SGCZ: variants seen among roughly 807,000 people sequenced by gnomAD.
SGCZ encodes the protein zeta-sarcoglycan.
SGCZ carries 40 observed loss-of-function variants against 41.3 expected under a neutral mutation model. That is an observed-to-expected ratio of 0.97 (90% CI 0.75 to 1.26). The LOEUF is 1.26. Among genes scored for constraint, SGCZ ranks in the 50% most tolerant of loss-of-function variants. The pLI, the probability that SGCZ is intolerant of heterozygous loss-of-function variation, is 0.00. For synonymous variants in SGCZ, 206 were observed against 137.5 expected (o/e 1.50, Z -3.49); for missense variants, 552 against 369.8 (o/e 1.49, Z -4.04).
At chr8:14,750,346 G>C (rs1381176398) in intron 1 of SGCZ, among the ~76,000 whole-genome samples, 1 of 152,094 alleles carries the variant, frequency 6.6e-6, no homozygotes, top group Non-Finnish European at 1.5e-5. Flanking sequence ...TTTAATGGAG[G>C]TAATATACAA....
At chr8:15,090,316 A>G (rs1249693693) in intron 1 of SGCZ, among the ~76,000 whole-genome samples, 3 of 152,216 alleles carry the variant, frequency 2.0e-5, no homozygotes, top group Admixed American at 6.5e-5. Flanking sequence ...CTTTAAAATT[A>G]ACACTTGAGG....
At chr8:14,254,031 T>C (rs192529386) in intron 3 of SGCZ, among the ~76,000 whole-genome samples, 337 of 152,240 alleles carry the variant, frequency 2.2e-3, no homozygotes, top group African/African-American at 7.7e-3. Context: ...CAGTACTTCT[T>C]CCAAAAAGAT....
chr8:15,046,059 A>C (rs992489928), intron 1 of SGCZ, among the ~76,000 whole-genome samples: 1 of 152,086 alleles, frequency 6.6e-6, no homozygotes, highest in African/African-American at 2.4e-5. Context: ...TTGTTAGTAC[A>C]TTTACATACA....
chr8:14,565,419 G>A (rs1172064133), intron 1 of SGCZ, among the ~76,000 whole-genome samples: 1 of 151,742 alleles, frequency 6.6e-6, no homozygotes, highest in Non-Finnish European at 1.5e-5. Flanking sequence ...GAAATACTTA[G>A]CCATTAATGC....
intron 6 of SGCZ, among the ~76,000 whole-genome samples, chr8:14,106,254 GGAGA>G (rs1190888547): frequency 6.6e-6 from 1 of 151,558 alleles, no homozygotes; most frequent in African/African-American, 2.4e-5. Context: ...CAGTTTGTTA[GGAGA>G]AGAAAGATAC....
chr8:14,442,257 C>T (rs1051539324), intron 2 of SGCZ, among the ~76,000 whole-genome samples: 3 of 152,062 alleles, frequency 2.0e-5, no homozygotes, highest in Admixed American at 6.6e-5. Flanking sequence ...CGGTCTTGCC[C>T]GTGATATTCT....
intron 4 of SGCZ, among the ~76,000 whole-genome samples, chr8:14,237,202 A>G (rs771941169): frequency 2.6e-5 from 4 of 152,190 alleles, no homozygotes; most frequent in Non-Finnish European, 5.9e-5. Flanking sequence ...AGTAATGACC[A>G]GCAAAATAAA....
intron 1 of SGCZ, among the ~76,000 whole-genome samples, chr8:14,666,671 T>C (rs574278499): frequency 7.5e-6 from 1 of 132,872 alleles, no homozygotes; most frequent in East Asian, 2.3e-4. Context: ...ACATATCTTG[T>C]TGGTAGAATT....
chr8:14,650,526 G>A (rs1807363308), intron 1 of SGCZ, among the ~76,000 whole-genome samples: 1 of 151,722 alleles, frequency 6.6e-6, no homozygotes, highest in Non-Finnish European at 1.5e-5. Flanking sequence ...CCTAAGGTAG[G>A]CCCCAGTGTC....
At chr8:14,855,253 T>G (rs1803502740) in intron 1 of SGCZ, among the ~76,000 whole-genome samples, 1 of 152,040 alleles carries the variant, frequency 6.6e-6, no homozygotes, top group Non-Finnish European at 1.5e-5. Flanking sequence ...TTTCACCATG[T>G]TGGCCAGGCT....
chr8:15,146,182 A>T, intron 1 of SGCZ, among the ~76,000 whole-genome samples: 1 of 152,152 alleles, frequency 6.6e-6, no homozygotes, highest in East Asian at 1.9e-4. Context: ...GAAAAAGAAA[A>T]AGTCATACAA....
intron 1 of SGCZ, among the ~76,000 whole-genome samples, chr8:14,864,906 AT>A (rs1336379657): frequency 6.6e-6 from 1 of 151,862 alleles, no homozygotes; most frequent in African/African-American, 2.4e-5. Flanking sequence ...TTTGATTTTC[AT>A]TTCCTTGATG....
At chr8:14,372,712 T>C (rs1005914707) in intron 2 of SGCZ, among the ~76,000 whole-genome samples, 11 of 151,940 alleles carry the variant, frequency 7.2e-5, no homozygotes, top group African/African-American at 2.7e-4. Context: ...GTAAGGCAGA[T>C]AAGAAATGCG....
intron 1 of SGCZ, among the ~76,000 whole-genome samples, chr8:14,672,954 G>C (rs1808151638): frequency 6.6e-6 from 1 of 152,140 alleles, no homozygotes; most frequent in South Asian, 2.1e-4. Flanking sequence ...AGAGAAACCA[G>C]ACAAACTGGA....
chr8:14,506,901 CCCTTTAGA>C (rs1802322569), intron 2 of SGCZ, among the ~76,000 whole-genome samples: 1 of 152,132 alleles, frequency 6.6e-6, no homozygotes, highest in African/African-American at 2.4e-5. Context: ...CATCCCCTTG[CCCTTTAGA>C]CTTTGATGTT....
chr8:15,143,369 G>A (rs117276122), intron 1 of SGCZ, among the ~76,000 whole-genome samples: 87 of 152,258 alleles, frequency 5.7e-4, no homozygotes, highest in Admixed American at 1.0e-3. Flanking sequence ...CTTCTCACTA[G>A]TACTCAAAAG....
chr8:14,267,760 T>A (rs1019426388), intron 3 of SGCZ, among the ~76,000 whole-genome samples: 1 of 152,080 alleles, frequency 6.6e-6, no homozygotes, highest in African/African-American at 2.4e-5. Flanking sequence ...GGCTCATTGA[T>A]CTAAAATGCT....
intron 1 of SGCZ, among the ~76,000 whole-genome samples, chr8:14,785,760 A>T (rs1045799760): frequency 7.2e-5 from 11 of 152,166 alleles, no homozygotes; most frequent in Non-Finnish European, 1.5e-4. Context: ...ACGGGCTTTA[A>T]CTTGTTACTC....
intron 1 of SGCZ, among the ~76,000 whole-genome samples, chr8:15,224,590 G>T (rs1226820745): frequency 6.6e-6 from 1 of 152,052 alleles, no homozygotes; most frequent in Non-Finnish European, 1.5e-5. Flanking sequence ...CAATATATTA[G>T]ATATTACAAT....
Sources: allele counts gnomAD v4.1 joint callset (sites outside exome capture counted in the v4.1 genomes callset), GRCh38; gene constraint gnomAD v4.1.1; transcripts MANE v1.5; gene names NCBI Gene and HGNC (gene_info 2026-07-23, HGNC 2026-07-21).